MGAM: variants seen among roughly 807,000 people sequenced by gnomAD.
MGAM encodes maltase-glucoamylase, also known as alpha-1,4-glucosidase.
MGAM carries 253 observed loss-of-function variants against 358.8 expected under a neutral mutation model. That is an observed-to-expected ratio of 0.71 (90% CI 0.64 to 0.78). The LOEUF is 0.78. Ranked by LOEUF, MGAM falls within the 30% of genes least tolerant of loss-of-function variation. The pLI is 0.00. For synonymous variants in MGAM, 1,105 were observed against 1,227.1 expected, an observed-to-expected ratio of 0.90 and a Z score of 2.08; for missense variants, 3,080 against 3,432.6, an observed-to-expected ratio of 0.90 and a Z score of 2.57.
In MGAM at chr7:142,078,204, A is replaced by G. The variant is rs144585771; in HGVS notation, c.5494-114A>G. ...GTGATATGTTGCTTGGATGGTTGAA[A>G]GTCTGGACTGATGTCTATTTGTTTT... On this transcript the variant is annotated intron_variant, in intron 47 of 70. Coordinates refer to ENST00000475668, the MANE Select transcript of MGAM (RefSeq NM_001365693.1). The G allele has an allele frequency of 2.1e-4, 187 of 871,454 alleles. 20 individuals are homozygous for G. The East Asian group carries it at 4.7e-3, about 22-fold the overall frequency. 54.0% of individuals were successfully genotyped at this position (871,454 alleles called of 1,614,324 possible).
At chr7:142,066,865 C>G (rs1030995382) in intron 41 of MGAM, 144 bp downstream of exon 41, 2 of 1,076,820 alleles carry the variant, frequency 1.9e-6, no homozygotes, top group African/African-American at 1.5e-5. Flanking sequence ...TACCTGATTA[C>G]TGTCTTTAGC....
intron 57 of MGAM, among the ~76,000 whole-genome samples, chr7:142,088,822 CATCTATCT>C (rs71166559): frequency 0.15 from 19,003 of 124,794 alleles, 3,298 homozygotes; most frequent in Middle Eastern, 0.22. Flanking sequence ...ATCTATGTAC[CATCTATCT>C]ATCTATCTAT....
chr7:142,019,190 T>C lies in MGAM; in HGVS notation c.328-9T>C. On this transcript the variant is annotated splice_polypyrimidine_tract_variant and intron_variant, in intron 3 of 70. Coordinates refer to ENST00000475668, the MANE Select transcript of MGAM (RefSeq NM_001365693.1). ...AAATGGAGCTTCTTTGACTAACCTC[T>C]TGTTTCAGGCCACATGTGACCAACG... 6.2e-7 allele frequency: 1 copy of C among 1,612,078 alleles called. No individual in the cohort carries two copies.
At chr7:142,074,544 AGGCAGTG>A (rs566000033) in intron 45 of MGAM, among the ~76,000 whole-genome samples, 14,045 of 146,250 alleles carry the variant, frequency 0.096, 2,085 homozygotes, top group African/African-American at 0.23. Context: ...CCTGCCAGTG[AGGCAGTG>A]AGAATATACT....
intron 41 of MGAM, 122 bp downstream of exon 41, chr7:142,066,843 A>C: frequency 8.4e-7 from 1 of 1,187,302 alleles, no homozygotes; most frequent in Non-Finnish European, 1.2e-6. Context: ...TGAGCTCTTC[A>C]GACACAAAGT....
intron 3 of MGAM, among the ~76,000 whole-genome samples, chr7:142,017,082 T>C (rs1554456468): frequency 2.0e-5 from 3 of 152,184 alleles, no homozygotes. Context: ...ATTTTGTGCC[T>C]TCTCTTCATC....
intron 33 of MGAM, 37 bp from the exon 34 acceptor site, chr7:142,060,274 T>C: frequency 6.2e-7 from 1 of 1,605,462 alleles, no homozygotes; most frequent in South Asian, 1.1e-5. Context: ...AGGGAAATTG[T>C]CTAGTGCATC....
At chr7:142,021,523 G>A in intron 5 of MGAM, 63 bp from the exon 6 acceptor site, 1 of 1,503,010 alleles carries the variant, frequency 6.7e-7, no homozygotes, top group Non-Finnish European at 9.1e-7. Flanking sequence ...TCCTAAGTAG[G>A]GATATTGGGA....
intron 7 of MGAM, among the ~76,000 whole-genome samples, chr7:142,024,254 G>A (rs968255671): frequency 6.0e-5 from 9 of 151,206 alleles, no homozygotes; most frequent in South Asian, 2.1e-4. Context: ...AATAAAAACC[G>A]AAACAAAAAT....
chr7:141,987,290 G>A (rs1179855937), intron 2 of MGAM, among the ~76,000 whole-genome samples: 1 of 152,146 alleles, frequency 6.6e-6, no homozygotes, highest in African/African-American at 2.4e-5. Flanking sequence ...TCCTTCTGTG[G>A]GTTTGAATGT....
At chr7:142,105,748 T>G (rs1816810209) in intron 70 of MGAM, 66 bp from the exon 71 acceptor site, 5 of 1,226,078 alleles carry the variant, frequency 4.1e-6, no homozygotes, top group Non-Finnish European at 6.0e-6. Context: ...TACTTGCACC[T>G]GATTTATTTG....
chr7:142,049,110 ACTT>A (rs2129029297), intron 22 of MGAM, among the ~76,000 whole-genome samples: 3 of 152,306 alleles, frequency 2.0e-5, no homozygotes, highest in African/African-American at 7.2e-5. Flanking sequence ...ACCATGCAGT[ACTT>A]GACTTTCTGT....
intron 3 of MGAM, among the ~76,000 whole-genome samples, chr7:142,016,672 A>T (rs1351295275): frequency 2.6e-5 from 4 of 152,184 alleles, no homozygotes; most frequent in Admixed American, 2.6e-4. Flanking sequence ...GGCTCGCTGC[A>T]ACCTCTGCCT....
At chr7:142,054,251 A>C (rs1811279607) in intron 26 of MGAM, among the ~76,000 whole-genome samples, 1 of 152,150 alleles carries the variant, frequency 6.6e-6, no homozygotes, top group Non-Finnish European at 1.5e-5. Flanking sequence ...AATTTCGTAA[A>C]ACCATAACAC....
intron 24 of MGAM, 104 bp from the exon 25 acceptor site, chr7:142,052,190 G>T: frequency 1.0e-6 from 1 of 978,242 alleles, no homozygotes; most frequent in Non-Finnish European, 1.5e-6. Context: ...ATGTTTGAAA[G>T]TCTGGTCTAA....
rs541610851 is a variant in MGAM at position 142,016,000 on chromosome 7, G to A, written c.328-3199G>A. ...AGGAAACACCACTTGGTTATTATTC[G>A]TTTAATATGTACTGATTTCTGTTAT... On this transcript the variant is annotated intron_variant, in intron 3 of 70. Transcript: ENST00000475668. 5.9e-5 allele frequency among the ~76,000 whole-genome samples: 9 copies of A among 152,052 alleles called. 1 individual carries two copies. The highest frequency in any genetic ancestry group is 3.3e-4 in the Admixed American group (5 of 15,268).
At chr7:142,089,202 C>T (rs943217317) in intron 57 of MGAM, among the ~76,000 whole-genome samples, 1 of 145,770 alleles carries the variant, frequency 6.9e-6, no homozygotes, top group Non-Finnish European at 1.6e-5. Context: ...AGTATCAGAA[C>T]CCCACAGTTC....
chr7:142,061,026 A>G (rs1812141697), intron 34 of MGAM, among the ~76,000 whole-genome samples: 1 of 152,090 alleles, frequency 6.6e-6, no homozygotes, highest in Non-Finnish European at 1.5e-5. Context: ...TTCCCGATTG[A>G]CTAAGCATTT....
intron 10 of MGAM, among the ~76,000 whole-genome samples, chr7:142,029,252 C>T (rs1032147790): frequency 6.6e-6 from 1 of 151,880 alleles, no homozygotes; most frequent in Non-Finnish European, 1.5e-5. Context: ...CCCAGCTATT[C>T]GGGAAGCTGA....
Sources: allele counts gnomAD v4.1 joint callset (sites outside exome capture counted in the v4.1 genomes callset), GRCh38; gene constraint gnomAD v4.1.1; transcripts MANE v1.5; gene names NCBI Gene and HGNC (gene_info 2026-07-23, HGNC 2026-07-21).